CDH12: variants seen among roughly 807,000 people sequenced by gnomAD.
CDH12 encodes cadherin 12, also known as cadherin-12.
Under a neutral mutation model 74.1 loss-of-function variants are expected in CDH12, and 41 were observed. That is an observed-to-expected ratio of 0.55 (90% CI 0.43 to 0.72). The LOEUF is 0.72. Ranked by LOEUF, CDH12 falls within the 30% of genes least tolerant of loss-of-function variation. CDH12 has a pLI of 0.00. For missense variants in CDH12, 945 were observed against 977.2 expected (o/e 0.97, Z 0.44); for synonymous variants, 399 against 355.0 (o/e 1.12, Z -1.39).
chr5:22,542,008 A>T (rs1433514793), intron 1 of CDH12, among the ~76,000 whole-genome samples: 1 of 152,182 alleles, frequency 6.6e-6, no homozygotes, highest in Admixed American at 6.6e-5. Flanking sequence ...GACAATATTT[A>T]TTGCTCTTAT....
intron 6 of CDH12, among the ~76,000 whole-genome samples, chr5:21,968,990 T>A (rs4028721): frequency 6.8e-6 from 1 of 148,102 alleles, no homozygotes; most frequent in African/African-American, 2.5e-5. Context: ...GGGTGGAGGG[T>A]AGGGAGGGGG....
chr5:22,779,386 T>C (rs1461994926), intron 1 of CDH12, among the ~76,000 whole-genome samples: 2 of 117,792 alleles, frequency 1.7e-5, no homozygotes, highest in Admixed American at 9.7e-5. Context: ...CATGTGTACC[T>C]AGTTATATAC....
chr5:21,979,936 T>C (rs1757235859), intron 5 of CDH12, among the ~76,000 whole-genome samples: 1 of 151,920 alleles, frequency 6.6e-6, no homozygotes, highest in Non-Finnish European at 1.5e-5. Context: ...CTCCACATCC[T>C]CTCCAGCACC....
chr5:22,663,275 TATC>T (rs1740440432), intron 1 of CDH12, among the ~76,000 whole-genome samples: 1 of 152,212 alleles, frequency 6.6e-6, no homozygotes, highest in Non-Finnish European at 1.5e-5. Context: ...TCTAATCATT[TATC>T]TTGTGCAACA....
intron 4 of CDH12, among the ~76,000 whole-genome samples, chr5:22,136,627 T>C (rs1305452063): frequency 1.3e-5 from 2 of 150,942 alleles, no homozygotes; most frequent in African/African-American, 4.9e-5. Flanking sequence ...CATACAAAAG[T>C]CTAATATGTG....
At chr5:22,805,618 T>A (rs543283049) in intron 1 of CDH12, among the ~76,000 whole-genome samples, 1 of 152,162 alleles carries the variant, frequency 6.6e-6, no homozygotes, top group Non-Finnish European at 1.5e-5. Context: ...ATAGTAATCA[T>A]CAAACATTTA....
chr5:22,441,084 T>C (rs930521671), intron 2 of CDH12, among the ~76,000 whole-genome samples: 1 of 152,304 alleles, frequency 6.6e-6, no homozygotes, highest in East Asian at 1.9e-4. Context: ...ACTTTCTATA[T>C]ACAGAGGGCC....
rs544099315 is a variant in CDH12, at chr5:21,755,682, G to A, written c.1794C>T (p.Ile598=). 160 of 1,614,042 alleles carry A rather than the reference G, an allele frequency of 9.9e-5. 1 individual carries two copies. In the Middle Eastern group the frequency reaches 1.5e-3, roughly 15 times the overall value. ...RVCRCDSDGT[I]LSCNVEAIFL... ...AAATTGCTTCCACATTACAAGACAG[G>A]ATGGTGCCATCAGAGTCACATCTAC... is the stretch of plus-strand genomic sequence containing the variant. Residue 598 remains isoleucine (I), a synonymous_variant, in exon 14 of 15, where the codon ATC becomes ATT. Transcript: ENST00000382254.
rs916557703 is a variant in CDH12 at position 22,340,302 on chromosome 5, G to A, written c.-333+64955C>T. On this transcript the variant is annotated intron_variant, in intron 3 of 14. Transcript: ENST00000382254. ...AGCACTTTGGGAGGCTGAGGTGGGC[G>A]GATCACAAGGTCAGGAGATTGAGAC... Among the ~76,000 whole-genome samples, 105 of 152,206 alleles carry A rather than the reference G, an allele frequency of 6.9e-4. 1 individual carries two copies. Among genetic ancestry groups the A allele is most frequent in the African/African-American group, 2.4e-3 (99 of 41,530 alleles).
intron 8 of CDH12, among the ~76,000 whole-genome samples, chr5:21,827,744 G>T (rs1426685844): frequency 6.6e-6 from 1 of 152,114 alleles, no homozygotes; most frequent in African/African-American, 2.4e-5. Flanking sequence ...CAGAAAAATT[G>T]GGGTTTCTGA....
intron 1 of CDH12, among the ~76,000 whole-genome samples, chr5:22,778,200 G>C (rs1383959875): frequency 6.6e-6 from 1 of 152,136 alleles, no homozygotes; most frequent in Non-Finnish European, 1.5e-5. Flanking sequence ...TTTTCATTCA[G>C]TTTGTTGTTG....
intron 1 of CDH12, among the ~76,000 whole-genome samples, chr5:22,540,265 G>C (rs1039145179): frequency 6.6e-6 from 1 of 151,902 alleles, no homozygotes; most frequent in Non-Finnish European, 1.5e-5. Flanking sequence ...TGAGTTTGTT[G>C]ATTCTATATC....
chr5:22,213,384 G>A (rs1411299537), intron 3 of CDH12, among the ~76,000 whole-genome samples: 2 of 151,638 alleles, frequency 1.3e-5, no homozygotes, highest in African/African-American at 4.8e-5. Context: ...AAAAATGTTT[G>A]CATTGTACCC....
chr5:21,752,291 T>G, intron 14 of CDH12, 55 bp from the exon 15 acceptor site: 1 of 1,492,610 alleles, frequency 6.7e-7, no homozygotes. Context: ...GGTCATTTCA[T>G]CTCTCCATAA....
chr5:22,280,912 C>T (rs1736850240), intron 3 of CDH12, among the ~76,000 whole-genome samples: 1 of 151,958 alleles, frequency 6.6e-6, no homozygotes, highest in Non-Finnish European at 1.5e-5. Flanking sequence ...CTGGCAGAGA[C>T]ACAACAAAAA....
At chr5:22,192,363 G>A (rs1222536543) in intron 4 of CDH12, among the ~76,000 whole-genome samples, 2 of 152,162 alleles carry the variant, frequency 1.3e-5, no homozygotes, top group Admixed American at 1.3e-4. Context: ...GAAATTAGGA[G>A]CCATGACAAA....
intron 7 of CDH12, among the ~76,000 whole-genome samples, chr5:21,845,497 T>C (rs1343880564): frequency 1.3e-5 from 2 of 151,648 alleles, no homozygotes; most frequent in Non-Finnish European, 2.9e-5. Context: ...ATTCTCTCAG[T>C]TCCCCCATGA....
intron 4 of CDH12, among the ~76,000 whole-genome samples, chr5:22,097,765 C>T (rs556300833): frequency 5.3e-5 from 8 of 152,124 alleles, no homozygotes; most frequent in Admixed American, 2.0e-4. Flanking sequence ...CCTTAGCGAC[C>T]GATCATGTAC....
At chr5:22,575,375 T>C (rs1024356886) in intron 1 of CDH12, among the ~76,000 whole-genome samples, 1 of 151,716 alleles carries the variant, frequency 6.6e-6, no homozygotes, top group Admixed American at 6.6e-5. Context: ...GCAAAATTGC[T>C]ATGCAGTTGT....
Sources: gnomAD v4.1 joint callset for allele counts (sites outside exome capture counted in the v4.1 genomes callset) on GRCh38, gnomAD v4.1.1 for gene constraint, MANE v1.5 for transcripts, NCBI Gene and HGNC (gene_info 2026-07-23, HGNC 2026-07-21) for gene names.